ABI2: variants seen among roughly 807,000 people sequenced by gnomAD.
ABI2 encodes abelson interactor 2.
In ABI2, 25 loss-of-function variants were observed where a neutral mutation model predicts 59.2. The observed-to-expected ratio is 0.42, with a 90% CI of 0.31 to 0.59. The LOEUF (loss-of-function observed/expected upper bound fraction) is 0.59, where lower values mean the gene tolerates loss of function less well. ABI2 is among the 20% of genes least tolerant of loss of function. The probability of loss-of-function intolerance (pLI) is 0.14; values close to 1 mark genes in which losing one functional copy is unlikely to be tolerated. For missense variants in ABI2, 545 were observed against 681.8 expected (o/e 0.80, Z 2.23); for synonymous variants, 213 against 235.5 (o/e 0.90, Z 0.87).
intron 1 of ABI2, among the ~76,000 whole-genome samples, chr2:203,331,321 G>A (rs1419851383): frequency 6.9e-6 from 1 of 144,972 alleles, no homozygotes; most frequent in Admixed American, 6.9e-5. Flanking sequence ...TAATTCACAG[G>A]ATCAGTGATC....
At chr2:203,373,082 A>G (rs908541001) in intron 2 of ABI2, among the ~76,000 whole-genome samples, 3 of 152,172 alleles carry the variant, frequency 2.0e-5, no homozygotes, top group Admixed American at 6.5e-5. Context: ...AGAGGCTGCA[A>G]TCTCGGCACT....
At chr2:203,387,621 T>C (rs965705615) in intron 4 of ABI2, among the ~76,000 whole-genome samples, 1 of 152,218 alleles carries the variant, frequency 6.6e-6, no homozygotes, top group Non-Finnish European at 1.5e-5. Flanking sequence ...TTCACTTAGC[T>C]CTTGAGGTCT....
Position 203,402,603 on chromosome 2 carries a change from A to C in ABI2, c.1061A>C (p.Asn354Thr). 6.3e-7 allele frequency: 1 copy of C among 1,593,438 alleles called. No individual in the cohort carries two copies. Among genetic ancestry groups the C allele is most frequent in the South Asian group, 1.2e-5 (1 of 86,466 alleles). ...CATCCTGTACAGTTCTACAGCATGA[A>C]TAGGCCTGCCTCTCGCCATACTCCC... ...TGHPVQFYSM[N>T]RPASRHTPPT... Residue 354 changes from asparagine to threonine, a missense_variant, in exon 9 of 12, where the codon AAT becomes ACT. Transcript: ENST00000261018.
chr2:203,355,190 C>T (rs572453478), intron 1 of ABI2: 1 of 410,042 alleles, frequency 2.4e-6, no homozygotes, highest in African/African-American at 2.0e-5. Context: ...TCTGGTGCTT[C>T]CTGACAAAGA....
intron 1 of ABI2, among the ~76,000 whole-genome samples, chr2:203,351,280 C>A (rs1476113204): frequency 1.3e-5 from 2 of 152,054 alleles, no homozygotes; most frequent in African/African-American, 2.4e-5. Flanking sequence ...GTATCTTCTA[C>A]CTTTGTTCTT....
At chr2:203,402,506 T>C in intron 8 of ABI2, 70 bp from the exon 9 acceptor site, 2 of 1,172,970 alleles carry the variant, frequency 1.7e-6, no homozygotes, top group Non-Finnish European at 2.2e-6. Flanking sequence ...TTAGGCATTG[T>C]ACATAAAGTA....
intron 1 of ABI2, among the ~76,000 whole-genome samples, chr2:203,352,345 TAAAAA>T (rs913926140): frequency 6.6e-6 from 1 of 151,946 alleles, no homozygotes; most frequent in African/African-American, 2.4e-5. Flanking sequence ...TCCTACTTAT[TAAAAA>T]AAAGTTAACT....
chr2:203,396,755 A>G, intron 7 of ABI2, 30 bp from the exon 8 acceptor site: 1 of 1,497,336 alleles, frequency 6.7e-7, no homozygotes. Flanking sequence ...TGCCTCATTA[A>G]TGCTGCCTCT....
In ABI2 at chr2:203,385,139, C is replaced by CTTTTTTTTTTTTTTTTTTTTTTTTT. The variant is rs10527327; in HGVS notation, c.480+2946_480+2947insTTTTTTTTTTTTTTTTTTTTTTTTT. Among the ~76,000 whole-genome samples, 61 of 69,940 alleles carry CTTTTTTTTTTTTTTTTTTTTTTTTT rather than the reference C, an allele frequency of 8.7e-4. 8 individuals carry two copies. Among genetic ancestry groups the CTTTTTTTTTTTTTTTTTTTTTTTTT allele is most frequent in the African/African-American group, 2.0e-3 (41 of 20,964 alleles). 45.9% of individuals were successfully genotyped at this position (69,940 alleles called of 152,430 possible). A position where few individuals can be genotyped will look rare whatever the true frequency, so the allele number is the denominator to read the frequency against. On this transcript the variant is annotated intron_variant, in intron 4 of 11. Transcript: ENST00000261018. ...TGAGCCACCGCACCCGGCTCAGATT[C>CTTTTTTTTTTTTTTTTTTTTTTTTT]TTTTTTTTTTTTTGAGACAGTCTTG...
rs780045827 is a variant in ABI2 at position 203,402,646 on chromosome 2, G to T, written c.1104G>T (p.Ser368=). The change falls in exon 9 of 12, where the codon TCG becomes TCT. Residue 368 remains serine, a synonymous_variant. Transcript: ENST00000261018. ...SRHTPPTIGG[S]LPYRRPPSIT... ...ATACTCCCCCAACAATAGGGGGCTC[G>T]TTGCCCTATAGACGCCCTCCTTCCA... 2.5e-6 allele frequency: 4 copies of T among 1,606,734 alleles called. No homozygotes were observed. In the African/African-American group the frequency reaches 5.4e-5, roughly 22 times the overall value.
intron 2 of ABI2, among the ~76,000 whole-genome samples, chr2:203,379,009 A>C (rs961621793): frequency 6.6e-6 from 1 of 152,198 alleles, no homozygotes; most frequent in Non-Finnish European, 1.5e-5. Flanking sequence ...CTTACATACC[A>C]CTAAATTGCA....
chr2:203,335,470 C>T (rs968909370), intron 1 of ABI2, among the ~76,000 whole-genome samples: 2 of 152,080 alleles, frequency 1.3e-5, no homozygotes, highest in Non-Finnish European at 2.9e-5. Context: ...CTATGTTGCT[C>T]CGGCTGGTCT....
intron 1 of ABI2, among the ~76,000 whole-genome samples, chr2:203,349,862 G>A (rs887382753): frequency 6.6e-6 from 1 of 152,042 alleles, no homozygotes; most frequent in Non-Finnish European, 1.5e-5. Context: ...AAATATTCAT[G>A]TACAAGTTTT....
chr2:203,397,283 T>G (rs1159745714), intron 8 of ABI2, among the ~76,000 whole-genome samples: 2 of 152,158 alleles, frequency 1.3e-5, no homozygotes, highest in Non-Finnish European at 2.9e-5. Flanking sequence ...ATTAGAAATA[T>G]TTTCATTATA....
intron 1 of ABI2, chr2:203,351,786 G>C: frequency 3.7e-6 from 1 of 266,714 alleles, no homozygotes; most frequent in South Asian, 3.5e-5. Context: ...TCCTCCCACT[G>C]TGGCCTCCCC....
chr2:203,374,331 C>G (rs545834653), intron 2 of ABI2, among the ~76,000 whole-genome samples: 2 of 151,946 alleles, frequency 1.3e-5, no homozygotes, highest in South Asian at 2.1e-4. Context: ...GAAACCCTGT[C>G]GCTACTAAAA....
intron 2 of ABI2, among the ~76,000 whole-genome samples, chr2:203,368,972 C>G (rs1279357291): frequency 7.0e-6 from 1 of 143,810 alleles, no homozygotes; most frequent in Non-Finnish European, 1.5e-5. Flanking sequence ...AGGCACGTGC[C>G]ATGCTTGGCT....
intron 2 of ABI2, among the ~76,000 whole-genome samples, chr2:203,377,341 A>G (rs183559584): frequency 3.1e-4 from 47 of 152,290 alleles, no homozygotes; most frequent in African/African-American, 1.1e-3. Flanking sequence ...TAGTATGCAG[A>G]TGTGAAATAG....
At chr2:203,408,372 A>G (rs2097522018) in intron 9 of ABI2, among the ~76,000 whole-genome samples, 1 of 151,714 alleles carries the variant, frequency 6.6e-6, no homozygotes, top group African/African-American at 2.4e-5. Flanking sequence ...CATGTTGGCC[A>G]GGCTGGTCTT....
Sources: gnomAD v4.1 joint callset for allele counts (sites outside exome capture counted in the v4.1 genomes callset) on GRCh38, gnomAD v4.1.1 for gene constraint, MANE v1.5 for transcripts, NCBI Gene and HGNC (gene_info 2026-07-23, HGNC 2026-07-21) for gene names.